Variants in C22orf39 observed in about 807,000 individuals in gnomAD.
C22orf39 encodes the protein synaptic plasticity regulator PANTS.
Under a neutral mutation model 18.3 loss-of-function variants are expected in C22orf39, and 20 were observed. The ratio of observed to expected loss-of-function variants is 1.09; its 90% confidence interval spans 0.77 to 1.59. C22orf39 has a LOEUF of 1.59. Ranked by LOEUF, C22orf39 falls within the 40% of genes most tolerant of loss-of-function variation. C22orf39 has a pLI of 0.00. For synonymous variants in C22orf39, 63 were observed against 59.6 expected, an observed-to-expected ratio of 1.06 and a Z score of -0.26; for missense variants, 195 against 156.1, an observed-to-expected ratio of 1.25 and a Z score of -1.33.
rs775210126 is a variant in C22orf39 at position 19,441,625 on chromosome 22, C to T, written c.*2640G>A. On this transcript the variant is annotated 3_prime_UTR_variant, in exon 3 of 3. Transcript: ENST00000399562. ...CTGACTGCAACCTCAAACTCCTATC[C>T]TCAAGTGATTCTTCTGCCTCAGCCT... The T allele has an allele frequency of 2.7e-5, 34 of 1,243,514 alleles. No individual in the cohort carries two copies. The South Asian group carries it at 4.2e-4, about 16-fold the overall frequency. 77.0% of individuals were successfully genotyped at this position (1,243,514 alleles called of 1,614,324 possible).
rs963197018 is a variant in C22orf39, at chr22:19,447,343, G to A, written c.192+35C>T. ...TGGGGAAAGCTGGGCCCCGCAAGGCGCTCCGAAGCGCCGCCCCGCTCCCTC... is the reference window on the plus strand; with the variant it reads ...TGGGGAAAGCTGGGCCCCGCAAGGCACTCCGAAGCGCCGCCCCGCTCCCTC... On this transcript the variant is annotated intron_variant, in intron 2 of 2. Coordinates refer to ENST00000399562, the MANE Select transcript of C22orf39 (RefSeq NM_173793.5). 24 of 1,436,806 alleles carry A rather than the reference G, an allele frequency of 1.7e-5. No homozygotes were observed. In the African/African-American group the frequency reaches 3.6e-4, roughly 21 times the overall value. The allele number at this position is 1,436,806 out of a possible 1,614,324, so 89.0% of individuals were successfully genotyped here.
chr22:19,443,081 C>G lies in C22orf39; in HGVS notation c.*1184G>C. The G allele has an allele frequency of 1.3e-6, 1 of 784,110 alleles. No individual in the cohort carries two copies. Among genetic ancestry groups the G allele is most frequent in the Non-Finnish European group, 1.5e-6 (1 of 647,682 alleles). 48.6% of individuals were successfully genotyped at this position (784,110 alleles called of 1,614,324 possible). ...GCTCTTGGGATCCCGTGAGCACAAC[C>G]CCCACCCCCACCCCCACTGTTCACA... On this transcript the variant is annotated 3_prime_UTR_variant, in exon 3 of 3. Coordinates refer to ENST00000399562, the MANE Select transcript of C22orf39 (RefSeq NM_173793.5).
Position 19,447,532 on chromosome 22 carries a change from C to T in C22orf39, c.38G>A (p.Cys13Tyr), listed in dbSNP as rs752233579. The change falls in exon 2 of 3, where the codon TGC becomes TAC. Residue 13 changes from cysteine (C) to tyrosine (Y), a missense_variant. Cys to Tyr is a radical substitution (Grantham distance 194, BLOSUM62 -2). Transcript: ENST00000399562. ...DGSGWQPPRP[C>Y]EAYRAEWKLC... ...CTTCCACTCGGCGCGGTAGGCCTCG[C>T]AGGGGCGCGGCGGCTGCGGCGAGAG... 5.0e-5 allele frequency: 73 copies of T among 1,455,440 alleles called. 1 individual carries two copies. The East Asian group carries it at 1.6e-3, about 32-fold the overall frequency. 90.2% of individuals were successfully genotyped at this position (1,455,440 alleles called of 1,614,324 possible). A position where few individuals can be genotyped will look rare whatever the true frequency, so the allele number is the denominator to read the frequency against.
Position 19,443,831 on chromosome 22 carries a change from C to G in C22orf39, c.*434G>C. The G allele has an allele frequency of 1.0e-6, 1 of 986,098 alleles. No individual in the cohort carries two copies. Among genetic ancestry groups the G allele is most frequent in the Non-Finnish European group, 1.2e-6 (1 of 830,862 alleles). 61.1% of individuals were successfully genotyped at this position (986,098 alleles called of 1,614,324 possible). On this transcript the variant is annotated 3_prime_UTR_variant, in exon 3 of 3. Transcript: ENST00000399562. ...CTCACCAAACCTGGGACGTGGCAGG[C>G]AGTTTCCCAAGGACTAGGAAAGACA... is the stretch of plus-strand genomic sequence containing the variant.
In C22orf39 at chr22:19,447,507, C is replaced by T. The variant is rs760418209; in HGVS notation, c.63G>A (p.Lys21=). The T allele has an allele frequency of 2.6e-5, 39 of 1,492,214 alleles. No homozygotes were observed. The African/African-American group carries it at 4.9e-4, about 19-fold the overall frequency. 92.4% of individuals were successfully genotyped at this position (1,492,214 alleles called of 1,614,324 possible). ...RPCEAYRAEW[K]LCRSARHFLH... is the part of the protein sequence containing the mutation. ...GGAAGTGCCTGGCGCTGCGGCAGAG[C>T]TTCCACTCGGCGCGGTAGGCCTCGC... The change falls in exon 2 of 3, where the codon AAG becomes AAA. Residue 21 remains lysine (K), a synonymous_variant. Coordinates refer to ENST00000399562, the MANE Select transcript of C22orf39 (RefSeq NM_173793.5).
chr22:19,444,613 C>A (rs963790878), intron 2 of C22orf39, among the ~76,000 whole-genome samples: 2 of 152,144 alleles, frequency 1.3e-5, no homozygotes, highest in Non-Finnish European at 2.9e-5. Context: ...CTGTGAAAAA[C>A]TACTGAATAG....
At chr22:19,444,439 G>A (rs1350397003) in intron 2 of C22orf39, 49 bp from the exon 3 acceptor site, 1 of 1,571,602 alleles carries the variant, frequency 6.4e-7, no homozygotes, top group Non-Finnish European at 8.6e-7. Flanking sequence ...GCACCCTCAA[G>A]ACCCCTGTAC....
chr22:19,443,433 C>T lies in C22orf39; in HGVS notation c.*832G>A, dbSNP rs1399521440. 2.0e-6 allele frequency: 2 copies of T among 985,720 alleles called. No individual in the cohort carries two copies. Among genetic ancestry groups the T allele is most frequent in the African/African-American group, 3.5e-5 (2 of 57,230 alleles). 61.1% of individuals were successfully genotyped at this position (985,720 alleles called of 1,614,324 possible). A position where few individuals can be genotyped will look rare whatever the true frequency, so the allele number is the denominator to read the frequency against. On this transcript the variant is annotated 3_prime_UTR_variant, in exon 3 of 3. Coordinates refer to ENST00000399562, the MANE Select transcript of C22orf39 (RefSeq NM_173793.5). ...AGAATAAGCATACAAATTTCTAATA[C>T]TGTCCAGGTACAACACTGTTACACA... is the stretch of plus-strand genomic sequence containing the variant.
intron 1 of C22orf39, 23 bp downstream of exon 1, chr22:19,447,642 C>G (rs768630889): frequency 1.9e-6 from 3 of 1,608,288 alleles, no homozygotes; most frequent in South Asian, 2.2e-5. Flanking sequence ...CGGTGGTTCC[C>G]GGCTCCGACC....
rs1313908684 is a variant in C22orf39, at chr22:19,443,145, T to G, written c.*1120A>C. 1 of 828,092 alleles carries G rather than the reference T, an allele frequency of 1.2e-6. No individual in the cohort carries two copies. Among genetic ancestry groups the G allele is most frequent in the African/African-American group, 2.2e-5 (1 of 44,792 alleles). The allele number at this position is 828,092 out of a possible 1,614,324, so 51.3% of individuals were successfully genotyped here. On this transcript the variant is annotated 3_prime_UTR_variant, in exon 3 of 3. Coordinates refer to ENST00000399562, the MANE Select transcript of C22orf39 (RefSeq NM_173793.5). ...TTAGGGAGCACAGGAGAAAACACAC[T>G]CAAGCAGGGAAATACTGTTCTTTAA... is the stretch of plus-strand genomic sequence containing the variant.
chr22:19,444,291 G>A lies in C22orf39; in HGVS notation c.292C>T (p.Pro98Ser), dbSNP rs1393306078. ...CACTCGTCCTTCTCCTGTGGCAGAG[G>A]GAGATGCCAGTCTGGAGGGGGGCTC... is the stretch of plus-strand genomic sequence containing the variant. ...RQSPPPDWHLPLPQEKDE is the reference protein window; with the variant it reads ...RQSPPPDWHLSLPQEKDE Residue 98 changes from proline to serine, a missense_variant, in exon 3 of 3, where the codon CCT (proline) becomes TCT (serine). Transcript: ENST00000399562. 1.3e-6 allele frequency: 2 copies of A among 1,597,236 alleles called. No homozygotes were observed. Among genetic ancestry groups the A allele is most frequent in the African/African-American group, 1.4e-5 (1 of 73,934 alleles).
At chr22:19,444,449 C>T in intron 2 of C22orf39, 59 bp from the exon 3 acceptor site, 1 of 1,539,196 alleles carries the variant, frequency 6.5e-7, no homozygotes, top group Non-Finnish European at 8.7e-7. Flanking sequence ...GACCCCTGTA[C>T]CTCCCCCCTC....
Position 19,441,527 on chromosome 22 carries a change from A to T in C22orf39, c.*2738T>A, listed in dbSNP as rs2089612450. 9.8e-6 allele frequency: 6 copies of T among 611,822 alleles called. No individual in the cohort carries two copies. Among genetic ancestry groups the T allele is most frequent in the Non-Finnish European group, 1.7e-5 (6 of 344,754 alleles). The allele number at this position is 611,822 out of a possible 1,614,324, so 37.9% of individuals were successfully genotyped here. A position where few individuals can be genotyped will look rare whatever the true frequency, so the allele number is the denominator to read the frequency against. ...GGTTTTATCCAAAACATTTATTTTTATTTTTAAAACATTTATTTAGAGATG... is the reference window on the plus strand; with the variant it reads ...GGTTTTATCCAAAACATTTATTTTTTTTTTTAAAACATTTATTTAGAGATG... On this transcript the variant is annotated 3_prime_UTR_variant, in exon 3 of 3. Transcript: ENST00000399562.
rs985694965 is a variant in C22orf39 at position 19,442,190 on chromosome 22, T to G, written c.*2075A>C. On this transcript the variant is annotated 3_prime_UTR_variant, in exon 3 of 3. Transcript: ENST00000399562. ...CAACTTGTCTGTTTCAAAACTGTGG[T>G]CTTATAAGCCTCAAACCCTGTCCAA... 2 of 153,678 alleles carry G rather than the reference T, an allele frequency of 1.3e-5. No homozygotes were observed. The highest frequency in any genetic ancestry group is 2.9e-5 in the Non-Finnish European group (2 of 68,976). The allele number at this position is 153,678 out of a possible 1,614,324, so 9.5% of individuals were successfully genotyped here.
chr22:19,445,598 T>C (rs1033154957), intron 2 of C22orf39, among the ~76,000 whole-genome samples: 2 of 152,166 alleles, frequency 1.3e-5, no homozygotes, highest in Admixed American at 6.5e-5. Context: ...TACCCAGAAT[T>C]CTTCAAACCT....
chr22:19,444,176 T>C lies in C22orf39; in HGVS notation c.*89A>G. 8 of 1,440,970 alleles carry C rather than the reference T, an allele frequency of 5.6e-6. No individual in the cohort carries two copies. The highest frequency in any genetic ancestry group is 4.7e-5 in the South Asian group (3 of 64,352). The allele number at this position is 1,440,970 out of a possible 1,614,324, so 89.3% of individuals were successfully genotyped here. A position where few individuals can be genotyped will look rare whatever the true frequency, so the allele number is the denominator to read the frequency against. ...AAGAGCTCACAGGGACCCACCAGACTGTGTAGGCTGGTCACAGTCCCCAGG... is the reference window on the plus strand; with the variant it reads ...AAGAGCTCACAGGGACCCACCAGACCGTGTAGGCTGGTCACAGTCCCCAGG... On this transcript the variant is annotated 3_prime_UTR_variant, in exon 3 of 3. Transcript: ENST00000399562.
At chr22:19,444,861 G>A (rs1337740282) in intron 2 of C22orf39, among the ~76,000 whole-genome samples, 1 of 152,078 alleles carries the variant, frequency 6.6e-6, no homozygotes, top group Non-Finnish European at 1.5e-5. Context: ...TGGAAGGGTG[G>A]GAAGAGTCCA....
chr22:19,447,698 A>T lies in C22orf39; in HGVS notation c.-10T>A. The T allele has an allele frequency of 6.2e-7, 1 of 1,608,358 alleles. No individual in the cohort carries two copies. The highest frequency in any genetic ancestry group is 8.5e-7 in the Non-Finnish European group (1 of 1,178,024). ...CGCTGCCGTCCGCCATGTCTGGGCG[A>T]CCGGCGCGCCAAGCCCGCCCCTCAG... On this transcript the variant is annotated 5_prime_UTR_variant, in exon 1 of 3. Coordinates refer to ENST00000399562, the MANE Select transcript of C22orf39 (RefSeq NM_173793.5).
At chr22:19,445,644 G>A (rs2089635436) in intron 2 of C22orf39, among the ~76,000 whole-genome samples, 1 of 151,978 alleles carries the variant, frequency 6.6e-6, no homozygotes, top group African/African-American at 2.4e-5. Flanking sequence ...CTGTCATTTA[G>A]ACTTATATAC....
Sources: allele counts gnomAD v4.1 joint callset (sites outside exome capture counted in the v4.1 genomes callset), GRCh38; gene constraint gnomAD v4.1.1; transcripts MANE v1.5; gene names NCBI Gene and HGNC (gene_info 2026-07-23, HGNC 2026-07-21).